Variants in ATP9B observed in about 807,000 individuals in gnomAD.
The protein encoded by ATP9B is probable phospholipid-transporting ATPase IIB.
In ATP9B, 110 loss-of-function variants were observed where a neutral mutation model predicts 146.1. That is an observed-to-expected ratio of 0.75 (90% confidence interval 0.65 to 0.88). The LOEUF (loss-of-function observed/expected upper bound fraction) is 0.88, where lower values mean the gene tolerates loss of function less well. Ranked by LOEUF, ATP9B falls within the 40% of genes least tolerant of loss-of-function variation. The probability of loss-of-function intolerance (pLI) is 0.00; values close to 1 mark genes in which losing one functional copy is unlikely to be tolerated. For synonymous variants in ATP9B, 604 were observed against 569.7 expected (o/e 1.06, Z -0.86); for missense variants, 1,499 against 1,496.4 (o/e 1.00, Z -0.03).
At position 79,376,069 on chromosome 18, in the gene ATP9B, A is replaced by G. The variant is rs141613043; in HGVS notation, c.3307+643A>G. ...AACATTCTCTGGGTGGGCCGGGCTC[A>G]GAGCCTCTAAGAGCAGACCGGTCTG... On this transcript the variant is annotated intron_variant, in intron 29 of 29. Coordinates refer to ENST00000426216, the MANE Select transcript of ATP9B (RefSeq NM_198531.5). 385 of 985,082 alleles carry G rather than the reference A, an allele frequency of 3.9e-4. 2 individuals are homozygous for G. The African/African-American group carries it at 6.3e-3, about 16-fold the overall frequency. 61.0% of individuals were successfully genotyped at this position (985,082 alleles called of 1,614,324 possible). A position where few individuals can be genotyped will look rare whatever the true frequency, so the allele number is the denominator to read the frequency against.
chr18:79,185,695 G>C (rs1488601260), intron 8 of ATP9B, among the ~76,000 whole-genome samples: 1 of 152,120 alleles, frequency 6.6e-6, no homozygotes, highest in Non-Finnish European at 1.5e-5. Flanking sequence ...TATGGATATG[G>C]GCAAGGCAAT....
At position 79,336,635 on chromosome 18, in the gene ATP9B, A is replaced by G; in HGVS notation, c.2036A>G (p.Asn679Ser). 1.2e-6 allele frequency: 2 copies of G among 1,607,164 alleles called. No homozygotes were observed. ...YNDWLEEECGNMAREGLRTLV... is the reference protein window; with the variant it reads ...YNDWLEEECGSMAREGLRTLV... ...CGGCCTCTCCTTTTCCAGTGCGGAA[A>G]CATGGCTCGCGAAGGACTGCGGACC... Residue 679 changes from asparagine to serine, a missense_variant, in exon 18 of 30, where the codon AAC becomes AGC. Asn to Ser is a conservative substitution (Grantham distance 46, BLOSUM62 1). Transcript: ENST00000426216.
chr18:79,077,256 G>A (rs1353547884), intron 1 of ATP9B, among the ~76,000 whole-genome samples: 1 of 152,106 alleles, frequency 6.6e-6, no homozygotes, highest in Non-Finnish European at 1.5e-5. Flanking sequence ...CTGCTTATCG[G>A]GCCTGGTGGT....
chr18:79,195,273 C>T (rs764776176), intron 9 of ATP9B, among the ~76,000 whole-genome samples: 2 of 143,946 alleles, frequency 1.4e-5, no homozygotes, highest in Middle Eastern at 3.2e-3. Flanking sequence ...AGAAGAAACT[C>T]ATCTTGCTGT....
At chr18:79,072,329 T>A (rs2071953184) in intron 1 of ATP9B, among the ~76,000 whole-genome samples, 1 of 152,028 alleles carries the variant, frequency 6.6e-6, no homozygotes, top group East Asian at 1.9e-4. Flanking sequence ...CCTGGGTACT[T>A]GAGATTAGGG....
At chr18:79,203,409 A>G (rs2095506477) in intron 9 of ATP9B, among the ~76,000 whole-genome samples, 2 of 152,058 alleles carry the variant, frequency 1.3e-5, no homozygotes, top group South Asian at 4.1e-4. Context: ...TGGAGGAGCA[A>G]GTACCTGATG....
intron 1 of ATP9B, among the ~76,000 whole-genome samples, chr18:79,073,465 A>C (rs1177528840): frequency 1.3e-5 from 2 of 152,214 alleles, no homozygotes; most frequent in African/African-American, 2.4e-5. Flanking sequence ...CGTCTCCACC[A>C]AAAAATACAA....
chr18:79,221,888 T>TG (rs2095682403), intron 11 of ATP9B, among the ~76,000 whole-genome samples: 1 of 118,250 alleles, frequency 8.5e-6, no homozygotes, highest in East Asian at 2.2e-4. Flanking sequence ...TTTTTTTTTT[T>TG]GCCTTTATTT....
chr18:79,242,514 G>A (rs757917845), intron 11 of ATP9B, among the ~76,000 whole-genome samples: 3 of 152,200 alleles, frequency 2.0e-5, no homozygotes, highest in Non-Finnish European at 4.4e-5. Flanking sequence ...CTTTTACAAA[G>A]ATTCTTGTAG....
chr18:79,088,118 G>A (rs556980736), intron 1 of ATP9B, among the ~76,000 whole-genome samples: 5 of 152,290 alleles, frequency 3.3e-5, no homozygotes, highest in Admixed American at 6.5e-5. Context: ...GGAATAAATT[G>A]CTTGCCAGTT....
At chr18:79,304,146 G>A (rs148183816) in intron 14 of ATP9B, among the ~76,000 whole-genome samples, 5 of 151,976 alleles carry the variant, frequency 3.3e-5, no homozygotes, top group Middle Eastern at 3.4e-3. Flanking sequence ...TGGGAATCTC[G>A]TATCTGTCAT....
At chr18:79,235,174 G>A (rs970034515) in intron 11 of ATP9B, among the ~76,000 whole-genome samples, 3 of 152,116 alleles carry the variant, frequency 2.0e-5, no homozygotes, top group African/African-American at 7.2e-5. Flanking sequence ...ACTGTGCCTG[G>A]CCTTATTGTA....
At chr18:79,290,860 A>G (rs1196080723) in intron 13 of ATP9B, among the ~76,000 whole-genome samples, 1 of 152,244 alleles carries the variant, frequency 6.6e-6, no homozygotes. Context: ...TCTTCACAAG[A>G]AAGTTTATTG....
chr18:79,258,559 A>G (rs2096108097), intron 12 of ATP9B, among the ~76,000 whole-genome samples: 2 of 152,248 alleles, frequency 1.3e-5, no homozygotes, highest in South Asian at 2.1e-4. Flanking sequence ...GCATATTTAT[A>G]TCTACATACA....
intron 26 of ATP9B, 139 bp downstream of exon 26, chr18:79,359,601 A>C (rs1398635858): frequency 1.2e-5 from 8 of 680,730 alleles, no homozygotes; most frequent in Non-Finnish European, 2.1e-5. Context: ...GATGTTTTTT[A>C]TGTCTCCTAA....
At chr18:79,212,546 CATT>C (rs1412779129) in intron 10 of ATP9B, among the ~76,000 whole-genome samples, 1 of 152,116 alleles carries the variant, frequency 6.6e-6, no homozygotes, top group African/African-American at 2.4e-5. Context: ...CTTCTTACAT[CATT>C]GTGATAATTT....
chr18:79,082,548 G>A (rs495404), intron 1 of ATP9B, among the ~76,000 whole-genome samples: 131,850 of 152,266 alleles, frequency 0.87, 57,167 homozygotes, highest in Middle Eastern at 0.94. Flanking sequence ...GGATTTATCT[G>A]CCTTTGGTCT....
chr18:79,303,073 A>T (rs1003324231), intron 13 of ATP9B, among the ~76,000 whole-genome samples: 1 of 152,172 alleles, frequency 6.6e-6, no homozygotes, highest in South Asian at 2.1e-4. Flanking sequence ...AGCCCTTCTC[A>T]TTATTAAACG....
chr18:79,209,029 G>A (rs552069542), intron 10 of ATP9B, among the ~76,000 whole-genome samples: 21 of 152,332 alleles, frequency 1.4e-4, no homozygotes, highest in African/African-American at 4.8e-4. Context: ...AGGCATGAGT[G>A]TTGCCAGCCT....
Sources: gnomAD v4.1 joint callset for allele counts (sites outside exome capture counted in the v4.1 genomes callset) on GRCh38, gnomAD v4.1.1 for gene constraint, MANE v1.5 for transcripts, NCBI Gene and HGNC (gene_info 2026-07-23, HGNC 2026-07-21) for gene names.